NBEA: variants seen among roughly 807,000 people sequenced by gnomAD.
NBEA encodes lysosomal-trafficking regulator 2.
NBEA carries 44 observed loss-of-function variants against 343.4 expected under a neutral mutation model. The ratio of observed to expected loss-of-function variants is 0.13; its 90% CI spans 0.10 to 0.16. NBEA has a LOEUF of 0.16. Among genes scored for constraint, NBEA ranks in the 10% least tolerant of loss-of-function variants. The probability of loss-of-function intolerance (pLI) is 1.00; values close to 1 mark genes in which losing one functional copy is unlikely to be tolerated. For synonymous variants in NBEA, 1,175 were observed against 1,238.7 expected (o/e 0.95, Z 1.08); for missense variants, 2,555 against 3,631.3 (o/e 0.70, Z 7.62).
At chr13:35,257,189 G>T (rs144304095) in intron 34 of NBEA, among the ~76,000 whole-genome samples, 1 of 152,360 alleles carries the variant, frequency 6.6e-6, no homozygotes, top group East Asian at 1.9e-4. Context: ...ATGGCAGCTT[G>T]ATAGAATTAT....
At chr13:35,506,771 G>A (rs950954516) in intron 41 of NBEA, among the ~76,000 whole-genome samples, 5 of 152,144 alleles carry the variant, frequency 3.3e-5, no homozygotes, top group African/African-American at 4.8e-5. Flanking sequence ...CCTAGGGCTC[G>A]TTTGATTCCT....
intron 18 of NBEA, 67 bp downstream of exon 18, chr13:35,142,444 A>G: frequency 9.4e-7 from 1 of 1,060,174 alleles, no homozygotes; most frequent in South Asian, 1.7e-5. Flanking sequence ...AATCTATGCA[A>G]TTGAGATGAG....
chr13:35,266,988 G>A (rs1259284446), intron 34 of NBEA, among the ~76,000 whole-genome samples: 2 of 151,858 alleles, frequency 1.3e-5, no homozygotes, highest in Non-Finnish European at 1.5e-5. Flanking sequence ...GAATAAGCTA[G>A]AGAAAAGGAA....
chr13:35,134,420 C>T (rs1333065018), intron 17 of NBEA, among the ~76,000 whole-genome samples: 1 of 149,760 alleles, frequency 6.7e-6, no homozygotes, highest in Non-Finnish European at 1.5e-5. Context: ...ACAGAGTAGA[C>T]ATTTTATTGG....
intron 55 of NBEA, among the ~76,000 whole-genome samples, chr13:35,661,385 T>C (rs1311282415): frequency 1.3e-5 from 2 of 152,222 alleles, no homozygotes; most frequent in Non-Finnish European, 2.9e-5. Context: ...TAGTCATTGT[T>C]ATCTCTGAAG....
chr13:35,572,268 A>G (rs1014441699), intron 45 of NBEA, among the ~76,000 whole-genome samples: 4 of 152,176 alleles, frequency 2.6e-5, no homozygotes, highest in African/African-American at 7.2e-5. Flanking sequence ...CTCTTAAATT[A>G]CAGTGGTTAC....
intron 46 of NBEA, among the ~76,000 whole-genome samples, chr13:35,586,375 G>A (rs751807007): frequency 6.6e-6 from 1 of 152,160 alleles, no homozygotes; most frequent in African/African-American, 2.4e-5. Flanking sequence ...GATTCTGTTT[G>A]AGCACAGATT....
intron 36 of NBEA, among the ~76,000 whole-genome samples, chr13:35,330,089 C>A (rs2038830851): frequency 6.6e-6 from 1 of 152,018 alleles, no homozygotes; most frequent in South Asian, 2.1e-4. Flanking sequence ...GCAGCCACAC[C>A]AAACTGATAG....
intron 17 of NBEA, among the ~76,000 whole-genome samples, chr13:35,129,626 GA>G (rs2067306529): frequency 6.6e-6 from 1 of 151,884 alleles, no homozygotes; most frequent in Admixed American, 6.6e-5. Context: ...AAGAGAGGGG[GA>G]AAAAAGGAAA....
At chr13:35,384,691 A>G (rs950457997) in intron 38 of NBEA, among the ~76,000 whole-genome samples, 1 of 151,840 alleles carries the variant, frequency 6.6e-6, no homozygotes, top group African/African-American at 2.4e-5. Flanking sequence ...ATGCCGGGCT[A>G]ATTTTTCTAT....
intron 1 of NBEA, among the ~76,000 whole-genome samples, chr13:34,974,158 T>A (rs117232058): frequency 0.011 from 1,668 of 152,328 alleles, 13 homozygotes; most frequent in Non-Finnish European, 0.018. Context: ...CGTCATCCTA[T>A]CTGCTTTTCA....
At chr13:35,461,809 T>G (rs548237874) in intron 40 of NBEA, among the ~76,000 whole-genome samples, 2 of 152,346 alleles carry the variant, frequency 1.3e-5, no homozygotes, top group South Asian at 2.1e-4. Context: ...TTCTGCATAC[T>G]GAAAATATTT....
chr13:35,158,133 T>C (rs556456730), intron 21 of NBEA, among the ~76,000 whole-genome samples: 37 of 152,222 alleles, frequency 2.4e-4, no homozygotes, highest in African/African-American at 8.7e-4. Flanking sequence ...AGCAGTTTTG[T>C]CCCATGGGCC....
intron 36 of NBEA, among the ~76,000 whole-genome samples, chr13:35,317,487 A>G (rs1242789576): frequency 6.6e-6 from 1 of 152,154 alleles, no homozygotes; most frequent in Non-Finnish European, 1.5e-5. Context: ...TACCAGTACC[A>G]TGCTGTTTTG....
intron 1 of NBEA, among the ~76,000 whole-genome samples, chr13:34,965,897 G>A (rs2059805786): frequency 1.3e-5 from 2 of 152,032 alleles, no homozygotes; most frequent in Admixed American, 1.3e-4. Flanking sequence ...GTAATAAAAT[G>A]ATAATGTAGT....
chr13:35,254,135 T>A (rs773950956), intron 34 of NBEA, among the ~76,000 whole-genome samples: 5 of 151,970 alleles, frequency 3.3e-5, no homozygotes, highest in Admixed American at 3.3e-4. Flanking sequence ...TCTCCCACCT[T>A]TTTGGGGAAA....
rs1439264241 is a variant in NBEA at position 34,942,816 on chromosome 13, G to T, written c.-5G>T. On this transcript the variant is annotated 5_prime_UTR_variant, in exon 1 of 59. Transcript: ENST00000379939. ...GCTCTTCCCTTCTCCTCAGGAGGGGGGCCAATGGCTAGCGAGAAGCCGGGC... is the reference window on the plus strand; with the variant it reads ...GCTCTTCCCTTCTCCTCAGGAGGGGTGCCAATGGCTAGCGAGAAGCCGGGC... 2.2e-6 allele frequency: 3 copies of T among 1,361,934 alleles called. No individual in the cohort carries two copies. The highest frequency in any genetic ancestry group is 7.3e-5 in the Admixed American group (2 of 27,504). The allele number at this position is 1,361,934 out of a possible 1,614,324, so 84.4% of individuals were successfully genotyped here.
chr13:35,512,489 C>T (rs2077311749), intron 41 of NBEA, among the ~76,000 whole-genome samples: 1 of 152,210 alleles, frequency 6.6e-6, no homozygotes, highest in African/African-American at 2.4e-5. Context: ...GGACCAACTG[C>T]TCTGTTTGTC....
chr13:35,208,091 G>A (rs559601576), intron 31 of NBEA, among the ~76,000 whole-genome samples: 2 of 152,122 alleles, frequency 1.3e-5, no homozygotes, highest in South Asian at 2.1e-4. Context: ...GTGGTGGCAC[G>A]TAGCTGTAAT....
Sources: gnomAD v4.1 joint callset for allele counts (sites outside exome capture counted in the v4.1 genomes callset) on GRCh38, gnomAD v4.1.1 for gene constraint, MANE v1.5 for transcripts, NCBI Gene and HGNC (gene_info 2026-07-23, HGNC 2026-07-21) for gene names.